Variants in POLD2 observed in about 807,000 individuals in gnomAD.
The protein encoded by POLD2 is DNA polymerase delta 2, accessory subunit.
POLD2 carries 31 observed loss-of-function variants against 48.8 expected under a neutral mutation model. That is an observed-to-expected ratio of 0.64 (90% confidence interval 0.48 to 0.86). The LOEUF (loss-of-function observed/expected upper bound fraction) is 0.86, where lower values mean the gene tolerates loss of function less well. Among genes scored for constraint, POLD2 ranks in the 40% least tolerant of loss-of-function variants. POLD2 has a pLI of 0.00. For missense variants in POLD2, 455 were observed against 610.1 expected (o/e 0.75, Z 2.68); for synonymous variants, 233 against 256.3 (o/e 0.91, Z 0.87).
Position 44,117,725 on chromosome 7 carries a change from C to G in POLD2, c.360G>C (p.Gln120His). 6.2e-7 allele frequency: 1 copy of G among 1,613,754 alleles called. No homozygotes were observed. Among genetic ancestry groups the G allele is most frequent in the Non-Finnish European group, 8.5e-7 (1 of 1,179,876 alleles). The change falls in exon 4 of 11, where the codon CAG (glutamine) becomes CAC (histidine). Residue 120 changes from glutamine (Q) to histidine (H), a missense_variant. By Grantham distance (24) the Gln-to-His change is conservative. This residue lies in a region of POLD2 where 349 missense variants were observed against 437.4 expected (regional missense o/e 0.80). Coordinates refer to ENST00000610533, the MANE Select transcript of POLD2 (RefSeq NM_006230.4). ...EVSEEHNLLP[Q>H]PPRSKYIHPD... ...GGTGTATGTATTTACTCCGAGGAGG[C>G]TGGGGGAGCAGGTTGTGCTGGAATG...
chr7:44,116,197 G>A lies in POLD2; in HGVS notation c.937C>T (p.Pro313Ser). 1.2e-6 allele frequency: 2 copies of A among 1,613,966 alleles called. No individual in the cohort carries two copies. Among genetic ancestry groups the A allele is most frequent in the East Asian group, 4.5e-5 (2 of 44,882 alleles). ...NYTLPQQPLH[P>S]CMFPLATAYS... ...GCAGTGGCCAGCGGGAACATGCAGG[G>A]GTGGAGGGGCTGCTGGGGGAGCGTG... is the stretch of plus-strand genomic sequence containing the variant. The change falls in exon 8 of 11, where the codon CCC (proline) becomes TCC (serine). Residue 313 changes from proline (P) to serine (S), a missense_variant. Around this residue, in one of 3 missense-constraint regions of POLD2, gnomAD observed 349 missense variants for 437.4 expected, o/e 0.80. Coordinates refer to ENST00000610533, the MANE Select transcript of POLD2 (RefSeq NM_006230.4). The surrounding 1 kb of genome is among the most constrained non-coding windows in gnomAD (Gnocchi z 6.1).
chr7:44,122,336 T>A (rs1010384991), intron 1 of POLD2: 2 of 1,328,808 alleles, frequency 1.5e-6, no homozygotes, highest in African/African-American at 3.0e-5. Flanking sequence ...TTGTCCCATC[T>A]GGAGTTCTTC....
In POLD2 at chr7:44,116,474, C is replaced by T. The variant is rs778303040; in HGVS notation, c.817G>A (p.Val273Met). 20 of 1,584,534 alleles carry T rather than the reference C, an allele frequency of 1.3e-5. No individual in the cohort carries two copies. In the South Asian group the frequency reaches 1.6e-4, roughly 13 times the overall value. Reference sequence around the variant, plus strand: ...TCATCCAGCATCTTAACAGCCTCCACGCTGGCTGCCTGGGTTTTCTTGGTG... The same window carrying T: ...TCATCCAGCATCTTAACAGCCTCCATGCTGGCTGCCTGGGTTTTCTTGGTG... The part of the protein sequence containing the change: ...YLTKKTQAAS[V>M]EAVKMLDEIL... Residue 273 changes from valine to methionine, a missense_variant, in exon 7 of 11, where the codon GTG becomes ATG. Coordinates refer to ENST00000610533, the MANE Select transcript of POLD2 (RefSeq NM_006230.4). This position sits in a 1 kb window ranked among gnomAD's most constrained non-coding sequence, Gnocchi z 6.1.
upstream of POLD2, chr7:44,123,757 C>T (rs534448585): frequency 2.3e-6 from 3 of 1,311,970 alleles, no homozygotes; most frequent in East Asian, 9.5e-5. Flanking sequence ...CAGGCCGGCG[C>T]CGCGGGTCTT....
rs756550708 is a variant in POLD2, at chr7:44,122,090, G to A, written c.-37C>T. On this transcript the variant is annotated 5_prime_UTR_variant, in exon 2 of 11. The change creates a premature stop within an existing upstream ORF in the 5' untranslated region. Transcript: ENST00000610533. ...TGACTTGCTTGGTCCACACAGCTTCGCCCAGGCCAAGGAGGTTCACTGCGA... is the reference window on the plus strand; with the variant it reads ...TGACTTGCTTGGTCCACACAGCTTCACCCAGGCCAAGGAGGTTCACTGCGA... 9.3e-6 allele frequency: 15 copies of A among 1,605,670 alleles called. No homozygotes were observed. Among genetic ancestry groups the A allele is most frequent in the Admixed American group, 5.0e-5 (3 of 59,684 alleles).
At chr7:44,119,902 G>C (rs1273791519) in intron 2 of POLD2, among the ~76,000 whole-genome samples, 3 of 152,240 alleles carry the variant, frequency 2.0e-5, no homozygotes, top group African/African-American at 7.2e-5. Flanking sequence ...TTGCAAGGTG[G>C]CTTCAGGTGG....
chr7:44,121,870 T>C lies in POLD2; in HGVS notation c.184A>G (p.Arg62Gly), dbSNP rs1242808411. Residue 62 changes from arginine to glycine, a missense_variant, in exon 2 of 11, where the codon AGA (arginine) becomes GGA (glycine). Arg to Gly is a moderately radical substitution (Grantham distance 125). Transcript: ENST00000610533. This position sits in a 1 kb window ranked among gnomAD's most constrained non-coding sequence, Gnocchi z 4.5. ...HIYATRLIQMRPFLENRAQQH... is the reference protein window; with the variant it reads ...HIYATRLIQMGPFLENRAQQH... ...TGGGCCCGGTTCTCCAGGAAGGGTC[T>C]CATTTGGATGAGGCGGGTGGCATAA... The C allele has an allele frequency of 2.5e-6, 4 of 1,613,434 alleles. No individual in the cohort carries two copies. The highest frequency in any genetic ancestry group is 3.4e-6 in the Non-Finnish European group (4 of 1,180,034).
rs1270284472 is a variant in POLD2, at chr7:44,116,700, C to T, written c.780+117G>A. On this transcript the variant is annotated intron_variant, in intron 6 of 10. Transcript: ENST00000610533. This position sits in a 1 kb window ranked among gnomAD's most constrained non-coding sequence, Gnocchi z 6.1. ...AGGAGGCCCCAGAGTCACTGCAGGG[C>T]GCTTCCCACCGACCTGCGAGACCTC... 30 of 1,156,468 alleles carry T rather than the reference C, an allele frequency of 2.6e-5. No individual in the cohort carries two copies. The Admixed American group carries it at 3.6e-4, about 14-fold the overall frequency. The allele number at this position is 1,156,468 out of a possible 1,614,324, so 71.6% of individuals were successfully genotyped here.
At position 44,123,523 on chromosome 7, in the gene POLD2, C is replaced by A. The variant is rs1350409660; in HGVS notation, c.-69G>T. The A allele has an allele frequency of 6.7e-7, 1 of 1,482,328 alleles. No homozygotes were observed. Among genetic ancestry groups the A allele is most frequent in the East Asian group, 2.9e-5 (1 of 34,424 alleles). 91.8% of individuals were successfully genotyped at this position (1,482,328 alleles called of 1,614,324 possible). On this transcript the variant is annotated 5_prime_UTR_variant, in exon 1 of 11. Transcript: ENST00000610533. ...GGACCCCACTCACCGCGCGGCGCGC[C>A]GCATCCCGCCAATCCCCGCGCGCCT...
At chr7:44,122,572 ACTGCT>A in intron 1 of POLD2, 1 of 507,324 alleles carries the variant, frequency 2.0e-6, no homozygotes, top group Non-Finnish European at 2.5e-6. Flanking sequence ...TAAATCAGTC[ACTGCT>A]CTGTTCAAAA....
At position 44,123,502 on chromosome 7, in the gene POLD2, C is replaced by T. The variant is rs1430031615; in HGVS notation, c.-57+9G>A. 9.4e-6 allele frequency: 14 copies of T among 1,490,108 alleles called. No individual in the cohort carries two copies. The highest frequency in any genetic ancestry group is 7.3e-5 in the African/African-American group (5 of 68,754). 92.3% of individuals were successfully genotyped at this position (1,490,108 alleles called of 1,614,324 possible). A position where few individuals can be genotyped will look rare whatever the true frequency, so the allele number is the denominator to read the frequency against. ...CCCAGCTGACCCCGTTTCCCTGGAC[C>T]CCACTCACCGCGCGGCGCGCCGCAT... On this transcript the variant is annotated intron_variant, in intron 1 of 10. Coordinates refer to ENST00000610533, the MANE Select transcript of POLD2 (RefSeq NM_006230.4).
At chr7:44,123,772 T>G (rs950603359), upstream of POLD2, 1 of 1,253,946 alleles carries the variant, frequency 8.0e-7, no homozygotes. Context: ...GGTCTTTGGT[T>G]GGCGGCCGCG....
At chr7:44,123,197 C>T in intron 1 of POLD2, 1 of 1,241,520 alleles carries the variant, frequency 8.1e-7, no homozygotes, top group Non-Finnish European at 1.0e-6. Flanking sequence ...TAAAAAATTC[C>T]CTAGCGGCTT....
At chr7:44,122,211 G>C in intron 1 of POLD2, 102 bp from the exon 2 acceptor site, 2 of 1,436,816 alleles carry the variant, frequency 1.4e-6, no homozygotes, top group South Asian at 3.0e-5. Flanking sequence ...AAAAGAAGGA[G>C]AACAGCTGTA....
At position 44,118,054 on chromosome 7, in the gene POLD2, C is replaced by G. The variant is rs749373726; in HGVS notation, c.231G>C (p.Val77=). ...NRAQQHWGSG[V]GVKKLCELQP... ...GCAGTTCACACAGCTTCTTCACTCCCACTCCACTGCCTGGGACACGAGGGG... is the reference window on the plus strand; with the variant it reads ...GCAGTTCACACAGCTTCTTCACTCCGACTCCACTGCCTGGGACACGAGGGG... The change falls in exon 3 of 11, where the codon GTG becomes GTC. Residue 77 remains valine (V), a synonymous_variant. Coordinates refer to ENST00000610533, the MANE Select transcript of POLD2 (RefSeq NM_006230.4). 4 of 1,614,158 alleles carry G rather than the reference C, an allele frequency of 2.5e-6. No homozygotes were observed. The highest frequency in any genetic ancestry group is 3.4e-6 in the Non-Finnish European group (4 of 1,180,008).
chr7:44,114,751 T>C lies in POLD2; in HGVS notation c.*34A>G, dbSNP rs1583558822. ...CACTGCAGGGAATGAACAGCCTCCA[T>C]CTGGGCCTCTCTGGTCAAAACCACT... On this transcript the variant is annotated 3_prime_UTR_variant, in exon 11 of 11. Transcript: ENST00000610533. 1 of 1,583,368 alleles carries C rather than the reference T, an allele frequency of 6.3e-7. No homozygotes were observed.
intron 4 of POLD2, 85 bp downstream of exon 4, chr7:44,117,534 C>A: frequency 6.6e-7 from 1 of 1,511,234 alleles, no homozygotes; most frequent in Non-Finnish European, 9.0e-7. Context: ...CCACTCCCCC[C>A]AGGCTCCCCA....
At chr7:44,117,546 T>C in intron 4 of POLD2, 73 bp downstream of exon 4, 3 of 1,414,000 alleles carry the variant, frequency 2.1e-6, no homozygotes, top group Non-Finnish European at 2.9e-6. Context: ...GGCTCCCCAC[T>C]CACACCATCC....
rs748992907 is a variant in POLD2, at chr7:44,114,925, G to A, written c.1270C>T (p.Leu424=). ...CTGAAGTCAGGGACAGTCACCAACA[G>A]CACTGTCTGGTCCTCAGGACCTGCA... ...IIRGPEDQTV[L]LVTVPDFSAT... The change falls in exon 11 of 11, where the codon CTG becomes TTG. Residue 424 remains leucine, a synonymous_variant. Transcript: ENST00000610533. 4.7e-5 allele frequency: 76 copies of A among 1,610,562 alleles called. 1 individual carries two copies. The South Asian group carries it at 7.4e-4, about 16-fold the overall frequency.
Sources: gnomAD v4.1 joint callset for allele counts (sites outside exome capture counted in the v4.1 genomes callset) on GRCh38, gnomAD v4.1.1 for gene constraint, gnomAD v4.1.1 regional missense constraint, Gnocchi (gnomAD v3.1) non-coding constraint, MANE v1.5 for transcripts, NCBI Gene and HGNC (gene_info 2026-07-23, HGNC 2026-07-21) for gene names.